Variants in ST18 observed in about 807,000 individuals in gnomAD.
The protein encoded by ST18 is ST18 C2H2C-type zinc finger transcription factor, also known as suppression of tumorigenicity 18 protein.
ST18 carries 50 observed loss-of-function variants against 110.0 expected under a neutral mutation model. That is an observed-to-expected ratio of 0.45 (90% CI 0.36 to 0.58). The LOEUF (loss-of-function observed/expected upper bound fraction) is 0.58, where lower values mean the gene tolerates loss of function less well. ST18 is among the 20% of genes least tolerant of loss of function. The pLI is 0.00. For synonymous variants in ST18, 461 were observed against 452.4 expected (o/e 1.02, Z -0.24); for missense variants, 1,306 against 1,280.1 (o/e 1.02, Z -0.31).
intron 5 of ST18, among the ~76,000 whole-genome samples, chr8:52,218,217 C>CTA (rs1460873337): frequency 3.3e-5 from 5 of 151,796 alleles, no homozygotes; most frequent in African/African-American, 1.2e-4. Context: ...ATATACCTCT[C>CTA]TCTCTATATA....
chr8:52,171,632 T>C (rs185693825), intron 10 of ST18, 160 bp downstream of exon 10: 3 of 810,924 alleles, frequency 3.7e-6, no homozygotes. Context: ...ATCTAGAGAG[T>C]GGGGGAAAAG....
At chr8:52,212,780 T>C (rs1297551993) in intron 7 of ST18, among the ~76,000 whole-genome samples, 2 of 152,224 alleles carry the variant, frequency 1.3e-5, no homozygotes, top group African/African-American at 2.4e-5. Flanking sequence ...AGTTGTTTCA[T>C]TTCTAGAAGA....
At chr8:52,263,610 G>GT (rs58618036) in intron 2 of ST18, among the ~76,000 whole-genome samples, 4,713 of 128,116 alleles carry the variant, frequency 0.037, 117 homozygotes, top group African/African-American at 0.076. Flanking sequence ...TTTTTGTTTT[G>GT]TTTTTTTTTT....
rs2062153046 is a variant in ST18 at position 52,163,995 on chromosome 8, T to C, written c.1391A>G (p.Gln464Arg). The C allele has an allele frequency of 1.2e-6, 2 of 1,613,572 alleles. No individual in the cohort carries two copies. Among genetic ancestry groups the C allele is most frequent in the Admixed American group, 1.7e-5 (1 of 59,980 alleles). ...CGTTAGGGGTTCATACCTGTGGGCC[T>C]GGTCAGGACACTGCCCAGTTTGGGG... ...DSPQTGQCPD[Q>R]AHRTSLVKQI... The change falls in exon 13 of 26, where the codon CAG (glutamine) becomes CGG (arginine). Residue 464 changes from glutamine (Q) to arginine (R), a missense_variant. Coordinates refer to ENST00000689386, the MANE Select transcript of ST18 (RefSeq NM_001352837.2).
At chr8:52,188,293 T>G (rs1296507252) in intron 8 of ST18, among the ~76,000 whole-genome samples, 1 of 152,142 alleles carries the variant, frequency 6.6e-6, no homozygotes, top group Non-Finnish European at 1.5e-5. Context: ...AAAGCCCCAT[T>G]AAGAAGACTG....
chr8:52,259,501 T>A (rs2094618248), intron 2 of ST18, among the ~76,000 whole-genome samples: 1 of 152,042 alleles, frequency 6.6e-6, no homozygotes, highest in Admixed American at 6.6e-5. Context: ...CAAAGTAAAA[T>A]CAGGTATTAT....
intron 24 of ST18, among the ~76,000 whole-genome samples, chr8:52,117,963 A>G (rs374058035): frequency 5.7e-4 from 87 of 152,360 alleles, no homozygotes; most frequent in African/African-American, 1.9e-3. Flanking sequence ...GAGGTGTTCC[A>G]AAAACATTAA....
intron 2 of ST18, among the ~76,000 whole-genome samples, chr8:52,346,881 G>A (rs951029891): frequency 1.1e-4 from 17 of 152,176 alleles, no homozygotes; most frequent in African/African-American, 4.1e-4. Flanking sequence ...AATCTCTGGG[G>A]GAGAAAGGAG....
chr8:52,361,581 C>A (rs1336587808), intron 2 of ST18, among the ~76,000 whole-genome samples: 1 of 152,120 alleles, frequency 6.6e-6, no homozygotes, highest in African/African-American at 2.4e-5. Flanking sequence ...GTTTTTGAGA[C>A]TCCTCTATAA....
chr8:52,178,529 A>T (rs1490431319), intron 9 of ST18, among the ~76,000 whole-genome samples: 1 of 142,622 alleles, frequency 7.0e-6, no homozygotes, highest in East Asian at 2.3e-4. Flanking sequence ...AGGCAGGAGA[A>T]TTGCTTGAAC....
At chr8:52,232,772 A>G (rs1437689267) in intron 2 of ST18, among the ~76,000 whole-genome samples, 2 of 152,032 alleles carry the variant, frequency 1.3e-5, no homozygotes, top group Non-Finnish European at 2.9e-5. Context: ...AAGATAAATT[A>G]TAGAATAAAA....
chr8:52,211,418 T>TTATTAC (rs2135970341), intron 8 of ST18, among the ~76,000 whole-genome samples: 1 of 143,054 alleles, frequency 7.0e-6, no homozygotes, highest in East Asian at 2.0e-4. Context: ...ATTATTATTA[T>TTATTAC]TATTTTGAGA....
intron 8 of ST18, among the ~76,000 whole-genome samples, chr8:52,181,749 T>C (rs1386137817): frequency 6.6e-6 from 1 of 152,126 alleles, no homozygotes; most frequent in African/African-American, 2.4e-5. Flanking sequence ...AGGACCAACA[T>C]GGACTGCTCT....
At chr8:52,239,417 C>T (rs75301148) in intron 2 of ST18, among the ~76,000 whole-genome samples, 2,259 of 152,164 alleles carry the variant, frequency 0.015, 27 homozygotes, top group Non-Finnish European at 0.023. Context: ...AGTAAGGTGC[C>T]TGCATGCTGT....
At chr8:52,213,137 A>G (rs890716970) in intron 7 of ST18, among the ~76,000 whole-genome samples, 1 of 152,206 alleles carries the variant, frequency 6.6e-6, no homozygotes, top group South Asian at 2.1e-4. Flanking sequence ...CTGGAAAATA[A>G]TACAGTATAA....
chr8:52,310,765 A>C (rs1037539479), intron 2 of ST18, among the ~76,000 whole-genome samples: 6 of 151,952 alleles, frequency 3.9e-5, no homozygotes, highest in African/African-American at 1.2e-4. Flanking sequence ...CGGTTGTCTT[A>C]GGCTATGATA....
At position 52,158,921 on chromosome 8, in the gene ST18, T is replaced by G. The variant is rs1176493553; in HGVS notation, c.1783A>C (p.Lys595Gln). ...ACCTTGGCATGCAGACTCTGTGGCT[T>G]GTTGGAGAGGATGTCTGTGGCTTCC... ...CREATDILSN[K>Q]PQSLHAKGAE... Residue 595 changes from lysine to glutamine, a missense_variant, in exon 15 of 26, where the codon AAG becomes CAG. Transcript: ENST00000689386. 3 of 1,613,846 alleles carry G rather than the reference T, an allele frequency of 1.9e-6. No individual in the cohort carries two copies. The highest frequency in any genetic ancestry group is 2.5e-6 in the Non-Finnish European group (3 of 1,179,888).
intron 2 of ST18, among the ~76,000 whole-genome samples, chr8:52,231,828 G>C (rs527795698): frequency 2.0e-5 from 3 of 152,286 alleles, no homozygotes; most frequent in East Asian, 3.9e-4. Flanking sequence ...GTTCTCACAA[G>C]GGTCCAGGTT....
chr8:52,351,183 T>C (rs377055348), intron 2 of ST18, among the ~76,000 whole-genome samples: 2 of 152,336 alleles, frequency 1.3e-5, no homozygotes, highest in East Asian at 3.9e-4. Context: ...GCTTACTTGG[T>C]ATGAAATGGA....
Sources: gnomAD v4.1 joint callset for allele counts (sites outside exome capture counted in the v4.1 genomes callset) on GRCh38, gnomAD v4.1.1 for gene constraint, MANE v1.5 for transcripts, NCBI Gene and HGNC (gene_info 2026-07-23, HGNC 2026-07-21) for gene names.